Variants in INPP4A observed in about 807,000 individuals in gnomAD.
INPP4A encodes the protein inositol polyphosphate-4-phosphatase, type I, 107kD.
Under a neutral mutation model 119.8 loss-of-function variants are expected in INPP4A, and 33 were observed. The ratio of observed to expected loss-of-function variants is 0.28; its 90% CI spans 0.21 to 0.37. INPP4A has a LOEUF of 0.37. Ranked by LOEUF, INPP4A falls within the 10% of genes least tolerant of loss-of-function variation. The probability of loss-of-function intolerance (pLI) is 1.00; values close to 1 mark genes in which losing one functional copy is unlikely to be tolerated. For missense variants in INPP4A, 956 were observed against 1,289.9 expected, an observed-to-expected ratio of 0.74 and a Z score of 3.97; for synonymous variants, 496 against 500.7, an observed-to-expected ratio of 0.99 and a Z score of 0.12.
intron 4 of INPP4A, among the ~76,000 whole-genome samples, chr2:98,525,365 A>G (rs886528343): frequency 2.5e-4 from 38 of 152,136 alleles, no homozygotes; most frequent in African/African-American, 8.9e-4. Context: ...GGCTCCTGTG[A>G]TAGATTGAGC....
intron 1 of INPP4A, among the ~76,000 whole-genome samples, chr2:98,516,888 A>G (rs1243352187): frequency 5.3e-5 from 8 of 152,132 alleles, no homozygotes; most frequent in African/African-American, 1.7e-4. Flanking sequence ...AATGGCTGCA[A>G]ACAGAGCAAA....
intron 1 of INPP4A, among the ~76,000 whole-genome samples, chr2:98,484,854 G>A (rs111809945): frequency 1.3e-5 from 2 of 152,052 alleles, no homozygotes; most frequent in African/African-American, 2.4e-5. Flanking sequence ...CACATATGAC[G>A]GAGCCATTAT....
chr2:98,560,299 A>G (rs577888775), intron 17 of INPP4A, among the ~76,000 whole-genome samples: 5 of 152,310 alleles, frequency 3.3e-5, no homozygotes, highest in African/African-American at 1.2e-4. Context: ...TAAATGTAAG[A>G]CAGCAGGATA....
chr2:98,577,106 C>G lies in INPP4A; in HGVS notation c.2749C>G (p.Pro917Ala), dbSNP rs765927319. ...CCTGCAACACGAGCATGGCATGGCC[C>G]CGCAGGTCTTCACCCAGGCCCTGGA... ...LILQHEHGMAPQVFTQALECM... is the reference protein window; with the variant it reads ...LILQHEHGMAAQVFTQALECM... Residue 917 changes from proline (P) to alanine (A), a missense_variant, in exon 24 of 25, where the codon CCG becomes GCG. Physicochemically the swap from Pro to Ala is conservative, Grantham distance 27. Transcript: ENST00000409851. The G allele has an allele frequency of 1.2e-6, 2 of 1,613,604 alleles. No individual in the cohort carries two copies. Among genetic ancestry groups the G allele is most frequent in the Non-Finnish European group, 1.7e-6 (2 of 1,179,680 alleles).
intron 17 of INPP4A, among the ~76,000 whole-genome samples, chr2:98,562,551 A>G (rs1695678738): frequency 6.6e-6 from 1 of 152,180 alleles, no homozygotes; most frequent in Non-Finnish European, 1.5e-5. Flanking sequence ...AGGGGCATGT[A>G]CTGCCTGGGC....
rs144666639 is a variant in INPP4A, at chr2:98,585,499, C to T, written c.2787-1977C>T. The stretch of plus-strand genomic sequence containing the variant: ...CATTGGTTCCTAAAAAGTATGCAGC[C>T]GACGTGATCAGTGGAGGTGTCCTGC... On this transcript the variant is annotated intron_variant, in intron 24 of 24. Transcript: ENST00000409851. Among the ~76,000 whole-genome samples the T allele has an allele frequency of 5.3e-5, 8 of 152,320 alleles. No homozygotes were observed. The South Asian group carries it at 6.2e-4, about 12-fold the overall frequency.
At chr2:98,514,385 G>T (rs960409964) in intron 1 of INPP4A, among the ~76,000 whole-genome samples, 4 of 152,154 alleles carry the variant, frequency 2.6e-5, no homozygotes, top group African/African-American at 9.7e-5. Context: ...GCTAATGAGA[G>T]AATCTCTGGA....
At chr2:98,585,223 C>T (rs1053281273) in intron 24 of INPP4A, among the ~76,000 whole-genome samples, 1 of 151,904 alleles carries the variant, frequency 6.6e-6, no homozygotes, top group Non-Finnish European at 1.5e-5. Flanking sequence ...TAGCAGCCAC[C>T]CCATGCTCAG....
At chr2:98,555,320 GC>G (rs1694252554) in intron 15 of INPP4A, among the ~76,000 whole-genome samples, 1 of 152,210 alleles carries the variant, frequency 6.6e-6, no homozygotes, top group Non-Finnish European at 1.5e-5. Flanking sequence ...AGAGTTACTA[GC>G]AAACATCTCC....
chr2:98,488,734 A>G (rs981063694), intron 1 of INPP4A, among the ~76,000 whole-genome samples: 35 of 152,210 alleles, frequency 2.3e-4, no homozygotes, highest in African/African-American at 8.0e-4. Context: ...GTAGACAGGA[A>G]GCAAGTGGGA....
chr2:98,566,830 TC>T lies in INPP4A; in HGVS notation c.2420+663del, dbSNP rs1280770110. On this transcript the variant is annotated intron_variant, in intron 21 of 24. Coordinates refer to ENST00000409851, the MANE Select transcript of INPP4A (RefSeq NM_001134225.2). The surrounding 1 kb of genome is among the most constrained non-coding windows in gnomAD (Gnocchi z 4.2). ...GGGTATATGTACCCTTTACTGGCCTTCCACTAGTACATGAGAATGATTCCTG... is the reference window on the plus strand; with the variant it reads ...GGGTATATGTACCCTTTACTGGCCTTCACTAGTACATGAGAATGATTCCTG... Among the ~76,000 whole-genome samples the T allele has an allele frequency of 2.0e-5, 3 of 152,230 alleles. No homozygotes were observed. Among genetic ancestry groups the T allele is most frequent in the Admixed American group, 2.0e-4 (3 of 15,290 alleles).
At chr2:98,534,559 G>A (rs368306951) in intron 5 of INPP4A, among the ~76,000 whole-genome samples, 2 of 152,298 alleles carry the variant, frequency 1.3e-5, no homozygotes, top group Non-Finnish European at 2.9e-5. Context: ...TGAAGAGCAC[G>A]CCAAAGTTCT....
At chr2:98,457,352 G>A (rs964441346) in intron 1 of INPP4A, among the ~76,000 whole-genome samples, 9 of 152,230 alleles carry the variant, frequency 5.9e-5, no homozygotes, top group Non-Finnish European at 1.2e-4. Flanking sequence ...GAGCCCAGGA[G>A]TTTGATACCA....
intron 1 of INPP4A, among the ~76,000 whole-genome samples, chr2:98,489,023 G>T (rs13000394): frequency 0.013 from 1,896 of 150,874 alleles, 19 homozygotes; most frequent in Middle Eastern, 0.055. Context: ...TTACTAGGAG[G>T]CTGGTTTGGA....
chr2:98,528,920 C>CA (rs1320905707), intron 4 of INPP4A, among the ~76,000 whole-genome samples: 4 of 151,178 alleles, frequency 2.6e-5, no homozygotes, highest in Admixed American at 1.3e-4. Flanking sequence ...ACTAAAAATA[C>CA]AAAAAAAATT....
chr2:98,490,489 A>G (rs1680485767), intron 1 of INPP4A, among the ~76,000 whole-genome samples: 1 of 152,108 alleles, frequency 6.6e-6, no homozygotes, highest in African/African-American at 2.4e-5. Context: ...AGGTACCTCA[A>G]GTCCCTGCAC....
chr2:98,540,530 A>T (rs1691216793), intron 10 of INPP4A, among the ~76,000 whole-genome samples: 1 of 152,234 alleles, frequency 6.6e-6, no homozygotes, highest in Admixed American at 6.5e-5. Context: ...GTGCTGCTGT[A>T]ACAGAATGCC....
At chr2:98,581,510 T>C in intron 24 of INPP4A, 1 of 1,457,630 alleles carries the variant, frequency 6.9e-7, no homozygotes, top group Non-Finnish European at 9.1e-7. Context: ...GTGTCTTCTT[T>C]TTTTCTTTAT....
chr2:98,522,391 A>C (rs1687391900), intron 4 of INPP4A, among the ~76,000 whole-genome samples: 1 of 152,032 alleles, frequency 6.6e-6, no homozygotes, highest in African/African-American at 2.4e-5. Context: ...AAAAAGAACA[A>C]TTGAAGAACA....
Sources: allele counts gnomAD v4.1 joint callset (sites outside exome capture counted in the v4.1 genomes callset), GRCh38; gene constraint gnomAD v4.1.1; non-coding constraint Gnocchi (gnomAD v3.1); transcripts MANE v1.5; gene names NCBI Gene and HGNC (gene_info 2026-07-23, HGNC 2026-07-21).